The following SIM2 variants were observed in gnomAD, a reference collection of about 807,000 sequenced individuals.
SIM2 encodes the protein SIM bHLH transcription factor 2.
In SIM2, 28 loss-of-function variants were observed where a neutral mutation model predicts 64.8. The observed-to-expected ratio is 0.43, with a 90% confidence interval of 0.32 to 0.59. The LOEUF (loss-of-function observed/expected upper bound fraction) is 0.59, where lower values mean the gene tolerates loss of function less well. SIM2 is among the 20% of genes least tolerant of loss of function. SIM2 has a pLI of 0.07. For synonymous variants in SIM2, 408 were observed against 391.1 expected (o/e 1.04, Z -0.51); for missense variants, 847 against 871.4 (o/e 0.97, Z 0.35).
chr21:36,699,829 C>T lies in SIM2; in HGVS notation c.83C>T (p.Pro28Leu), dbSNP rs1251382646. ...GEFYELAKLL[P>L]LPSAITSQLD... The stretch of plus-strand genomic sequence containing the variant: ...TTTTACGAGCTTGCCAAGCTGCTCC[C>T]GCTGCCGTCGGCCATCACTTCGCAG... The change falls in exon 1 of 11, where the codon CCG (proline) becomes CTG (leucine). Residue 28 changes from proline to leucine, a missense_variant. Physicochemically the swap from Pro to Leu is moderately conservative, Grantham distance 98. Coordinates refer to ENST00000290399, the MANE Select transcript of SIM2 (RefSeq NM_005069.6). The surrounding 1 kb of genome is among the most constrained non-coding windows in gnomAD (Gnocchi z 5.6). The T allele has an allele frequency of 6.2e-7, 1 of 1,611,228 alleles. No individual in the cohort carries two copies. Among genetic ancestry groups the T allele is most frequent in the Admixed American group, 1.7e-5 (1 of 59,786 alleles).
At chr21:36,701,871 G>T (rs963882200) in intron 1 of SIM2, among the ~76,000 whole-genome samples, 3 of 152,234 alleles carry the variant, frequency 2.0e-5, no homozygotes, top group Admixed American at 2.0e-4. Flanking sequence ...CAAAGCAGGT[G>T]TGGAATCCGG....
chr21:36,737,248 A>C (rs2089076195), intron 7 of SIM2, among the ~76,000 whole-genome samples: 1 of 152,230 alleles, frequency 6.6e-6, no homozygotes, highest in Non-Finnish European at 1.5e-5. Context: ...TCTGTAAAGA[A>C]AAGTGAACAC....
intron 3 of SIM2, among the ~76,000 whole-genome samples, chr21:36,718,725 T>G (rs1196652791): frequency 6.6e-6 from 1 of 152,152 alleles, no homozygotes; most frequent in Non-Finnish European, 1.5e-5. Flanking sequence ...TCACTGTCCT[T>G]GTCTGCCACC....
intron 2 of SIM2, among the ~76,000 whole-genome samples, chr21:36,711,187 C>T (rs1445287819): frequency 2.0e-5 from 3 of 152,176 alleles, no homozygotes; most frequent in African/African-American, 7.2e-5. Flanking sequence ...TGATAATTTT[C>T]CTCTTTTCCT....
chr21:36,724,704 T>TTTAAGA (rs1415143377), intron 5 of SIM2, among the ~76,000 whole-genome samples: 4 of 152,218 alleles, frequency 2.6e-5, no homozygotes, highest in African/African-American at 9.6e-5. Context: ...CTGGAAGGAT[T>TTTAAGA]TTAAGATTTG....
intron 1 of SIM2, among the ~76,000 whole-genome samples, chr21:36,705,496 AG>A (rs2088568098): frequency 6.6e-6 from 1 of 152,190 alleles, no homozygotes; most frequent in Non-Finnish European, 1.5e-5. Context: ...CCAGAGAGGG[AG>A]GCACAAAGTG....
At chr21:36,735,013 G>GAGA (rs2089023702) in intron 7 of SIM2, among the ~76,000 whole-genome samples, 1 of 152,212 alleles carries the variant, frequency 6.6e-6, no homozygotes, top group Non-Finnish European at 1.5e-5. Context: ...GAGTGAGCCA[G>GAGA]AGAAGAGAAG....
chr21:36,730,999 C>T (rs1428766857), intron 6 of SIM2, 46 bp from the exon 7 acceptor site: 35 of 1,335,678 alleles, frequency 2.6e-5, no homozygotes, highest in Non-Finnish European at 3.5e-5. Context: ...AAATGAAAGG[C>T]AGTCTGCAGA....
intron 2 of SIM2, chr21:36,709,570 G>C: frequency 8.1e-6 from 4 of 492,800 alleles, no homozygotes; most frequent in Non-Finnish European, 1.5e-5. Flanking sequence ...CCCTCAGCAG[G>C]TTCCACCCAG....
intron 3 of SIM2, among the ~76,000 whole-genome samples, chr21:36,718,371 C>T (rs958979782): frequency 6.6e-6 from 1 of 152,152 alleles, no homozygotes; most frequent in East Asian, 1.9e-4. Context: ...GAGGTGGCAC[C>T]GTCAGGATGG....
At position 36,730,779 on chromosome 21, in the gene SIM2, A is replaced by G. The variant is rs185461238; in HGVS notation, c.744-266A>G. The stretch of plus-strand genomic sequence containing the variant: ...GCATTCCCCGATAAGCTGAACTTGG[A>G]AAAAGGCTACAATTTTAAGCCATTC... On this transcript the variant is annotated intron_variant, in intron 6 of 10. Transcript: ENST00000290399. Among the ~76,000 whole-genome samples, 16 of 152,314 alleles carry G rather than the reference A, an allele frequency of 1.1e-4. No individual in the cohort carries two copies. The East Asian group carries it at 2.9e-3, about 28-fold the overall frequency.
intron 3 of SIM2, among the ~76,000 whole-genome samples, chr21:36,719,336 C>T (rs756884936): frequency 6.6e-5 from 10 of 152,266 alleles, no homozygotes; most frequent in South Asian, 2.1e-4. Flanking sequence ...GCGCCCCTGC[C>T]GTGGACGGCT....
chr21:36,737,207 G>A (rs2089075201), intron 7 of SIM2, among the ~76,000 whole-genome samples: 1 of 152,192 alleles, frequency 6.6e-6, no homozygotes, highest in Admixed American at 6.5e-5. Context: ...GGGATTACAG[G>A]CATGAGCCAC....
intron 1 of SIM2, among the ~76,000 whole-genome samples, chr21:36,704,789 TC>T (rs1488958611): frequency 2.0e-5 from 3 of 152,156 alleles, no homozygotes; most frequent in Non-Finnish European, 4.4e-5. Flanking sequence ...GGAGCCTCCT[TC>T]CCTGCCCCTC....
intron 1 of SIM2, among the ~76,000 whole-genome samples, chr21:36,702,788 C>T (rs1463031140): frequency 9.2e-5 from 14 of 151,868 alleles, no homozygotes; most frequent in Non-Finnish European, 1.9e-4. Flanking sequence ...AGGGTGGTCC[C>T]GGGCTGTGGC....
chr21:36,744,691 C>G, intron 9 of SIM2, 37 bp from the exon 10 acceptor site: 1 of 1,527,428 alleles, frequency 6.5e-7, no homozygotes. Context: ...CCTGCCGGCC[C>G]CTCGCTGGCC....
At chr21:36,737,621 G>A (rs1013965208) in intron 7 of SIM2, among the ~76,000 whole-genome samples, 2 of 152,176 alleles carry the variant, frequency 1.3e-5, no homozygotes, top group Non-Finnish European at 2.9e-5. Context: ...ATTTCACCCG[G>A]CTCTCTAGGT....
At chr21:36,735,990 TC>T (rs2089041987) in intron 7 of SIM2, among the ~76,000 whole-genome samples, 1 of 151,980 alleles carries the variant, frequency 6.6e-6, no homozygotes, top group Non-Finnish European at 1.5e-5. Context: ...TCCACCAGGG[TC>T]CCCACTGTGG....
rs112796717 is a variant in SIM2 at position 36,730,485 on chromosome 21, G to A, written c.744-560G>A. Among the ~76,000 whole-genome samples the A allele has an allele frequency of 1.3e-3, 201 of 152,302 alleles. 2 individuals are homozygous for A. Among genetic ancestry groups the A allele is most frequent in the South Asian group, 3.7e-3 (18 of 4,822 alleles). On this transcript the variant is annotated intron_variant, in intron 6 of 10. Transcript: ENST00000290399. ...ACTGGGGGCTGGGCAGGGGACAGTG[G>A]GGAGCTGGTGTTTAATGGGGACAGA... is the stretch of plus-strand genomic sequence containing the variant.
Sources: gnomAD v4.1 joint callset for allele counts (sites outside exome capture counted in the v4.1 genomes callset) on GRCh38, gnomAD v4.1.1 for gene constraint, Gnocchi (gnomAD v3.1) non-coding constraint, MANE v1.5 for transcripts, NCBI Gene and HGNC (gene_info 2026-07-23, HGNC 2026-07-21) for gene names.